The following NRN1 variants were observed in gnomAD, a reference collection of about 807,000 sequenced individuals.
NRN1 encodes neuritin.
Under a neutral mutation model 15.0 loss-of-function variants are expected in NRN1, and 4 were observed. That is an observed-to-expected ratio of 0.27 (90% CI 0.13 to 0.61). The LOEUF is 0.61. Among genes scored for constraint, NRN1 ranks in the 20% least tolerant of loss-of-function variants. The pLI is 0.87. For missense variants in NRN1, 134 were observed against 181.9 expected, an observed-to-expected ratio of 0.74 and a Z score of 1.51; for synonymous variants, 85 against 79.8, an observed-to-expected ratio of 1.07 and a Z score of -0.35.
chr6:6,006,582 C>G (rs1358577651), intron 1 of NRN1, 113 bp downstream of exon 1: 1 of 944,862 alleles, frequency 1.1e-6, no homozygotes, highest in Non-Finnish European at 1.7e-6. Context: ...GGGGGATTGC[C>G]GGCTTCTCCG....
chr6:6,000,911 T>A (rs555773529), intron 2 of NRN1, among the ~76,000 whole-genome samples: 3 of 151,848 alleles, frequency 2.0e-5, no homozygotes, highest in Non-Finnish European at 4.4e-5. Flanking sequence ...AGGAAGGAGT[T>A]CTCACTTTCC....
chr6:6,002,959 G>A (rs1188507458), intron 1 of NRN1: 3 of 397,808 alleles, frequency 7.5e-6, no homozygotes, highest in South Asian at 1.1e-4. Context: ...CGGCTGCAGC[G>A]TGCGGGGGCG....
At chr6:6,002,674 C>A (rs1757986564) in intron 1 of NRN1, among the ~76,000 whole-genome samples, 177 bp from the exon 2 acceptor site, 1 of 152,284 alleles carries the variant, frequency 6.6e-6, no homozygotes, top group African/African-American at 2.4e-5. Context: ...CCAGGAATGC[C>A]CGACCTGCAG....
intron 2 of NRN1, 139 bp from the exon 3 acceptor site, chr6:5,999,343 C>T (rs979978143): frequency 1.4e-6 from 1 of 689,898 alleles, no homozygotes; most frequent in Non-Finnish European, 2.5e-6. Flanking sequence ...CTCTTCACCG[C>T]CCTGGCGCCT....
chr6:6,002,005 C>T (rs1017782843), intron 2 of NRN1, among the ~76,000 whole-genome samples: 1 of 152,246 alleles, frequency 6.6e-6, no homozygotes, highest in Non-Finnish European at 1.5e-5. Context: ...AGAGATCTTG[C>T]AGCACCAAGA....
At position 6,005,711 on chromosome 6, in the gene NRN1, G is replaced by T. The variant is rs575400202; in HGVS notation, c.55+984C>A. Among the ~76,000 whole-genome samples the T allele has an allele frequency of 3.3e-5, 5 of 152,214 alleles. No homozygotes were observed. The South Asian group carries it at 1.0e-3, about 32-fold the overall frequency. ...GTTTCAGGAGTTTCTTTTTTCCCCC[G>T]TGTTGTCCATTCTATTAATAACCTG... On this transcript the variant is annotated intron_variant, in intron 1 of 2. Coordinates refer to ENST00000244766, the MANE Select transcript of NRN1 (RefSeq NM_016588.3).
intron 1 of NRN1, among the ~76,000 whole-genome samples, chr6:6,004,851 C>T (rs992817270): frequency 6.6e-6 from 1 of 152,024 alleles, no homozygotes. Context: ...TTCGTTCGAC[C>T]TCTCATTCAT....
intron 1 of NRN1, chr6:6,003,946 C>G: frequency 8.2e-7 from 1 of 1,226,622 alleles, no homozygotes; most frequent in Non-Finnish European, 1.0e-6. Flanking sequence ...GTGAATGTGT[C>G]CCGGGAGGAC....
intron 1 of NRN1, chr6:6,004,163 G>T (rs1276764871): frequency 2.6e-6 from 1 of 377,370 alleles, no homozygotes; most frequent in African/African-American, 2.2e-5. Flanking sequence ...TTCGACCTCC[G>T]CTGGGGCAGA....
chr6:6,003,359 G>T, intron 1 of NRN1: 1 of 760,142 alleles, frequency 1.3e-6, no homozygotes, highest in Non-Finnish European at 1.8e-6. Context: ...CACGAACCTC[G>T]GGCCTCTTTC....
Position 6,002,405 on chromosome 6 carries a change from C to A in NRN1, c.148G>T (p.Ala50Ser). Residue 50 changes from alanine to serine, a missense_variant, in exon 2 of 3, where the codon GCC becomes TCC. Coordinates refer to ENST00000244766, the MANE Select transcript of NRN1 (RefSeq NM_016588.3). ...TCGTCCAGGCCCTGCGGGTAGTTGG[C>A]CATGCTGTCGCCCAGCTTGAGCAAA... ...DCLLKLGDSM[A>S]NYPQGLDDKT... is the part of the protein sequence containing the mutation. 1 of 1,614,236 alleles carries A rather than the reference C, an allele frequency of 6.2e-7. No homozygotes were observed. The highest frequency in any genetic ancestry group is 8.5e-7 in the Non-Finnish European group (1 of 1,180,028).
intron 1 of NRN1, chr6:6,003,746 G>T: frequency 8.1e-7 from 1 of 1,234,338 alleles, no homozygotes; most frequent in Admixed American, 4.2e-5. Flanking sequence ...TCCGCCCTGA[G>T]GCCGACGAAC....
At chr6:6,005,127 T>C (rs181825303) in intron 1 of NRN1, among the ~76,000 whole-genome samples, 2,799 of 151,848 alleles carry the variant, frequency 0.018, 26 homozygotes, top group Non-Finnish European at 0.025. Flanking sequence ...GACCACCGTC[T>C]TTTTTTTCCC....
At chr6:6,002,108 G>A (rs927745405) in intron 2 of NRN1, among the ~76,000 whole-genome samples, 5 of 152,254 alleles carry the variant, frequency 3.3e-5, no homozygotes, top group African/African-American at 7.2e-5. Context: ...GTAGAGCTGG[G>A]ACTGGGTCTA....
rs768378438 is a variant in NRN1, at chr6:6,002,328, C to G, written c.200+25G>C. ...TCAGTAGCGCCCCCAAAACCGAAGTCCAGCCGGCCAGAGAGGACACTTACG... is the reference window on the plus strand; with the variant it reads ...TCAGTAGCGCCCCCAAAACCGAAGTGCAGCCGGCCAGAGAGGACACTTACG... On this transcript the variant is annotated intron_variant, in intron 2 of 2. Transcript: ENST00000244766. 13 of 1,610,964 alleles carry G rather than the reference C, an allele frequency of 8.1e-6. 1 individual carries two copies. The South Asian group carries it at 1.4e-4, about 18-fold the overall frequency.
At chr6:6,002,242 T>C (rs915329245) in intron 2 of NRN1, 111 bp downstream of exon 2, 1 of 1,387,098 alleles carries the variant, frequency 7.2e-7, no homozygotes, top group African/African-American at 1.4e-5. Context: ...AGTGAGCCGA[T>C]GCGGATTCGC....
In NRN1 at chr6:6,003,064, G is replaced by T. The variant is rs1268268186; in HGVS notation, c.56-567C>A. ...GCCTCAGGCTTGGCGCTCTGTCCTT[G>T]GTGGGCGCTCAGCAAACACTGCTGA... On this transcript the variant is annotated intron_variant, in intron 1 of 2. Transcript: ENST00000244766. 17 of 642,688 alleles carry T rather than the reference G, an allele frequency of 2.6e-5. No individual in the cohort carries two copies. In the Admixed American group the frequency reaches 6.5e-4, roughly 24 times the overall value. 39.8% of individuals were successfully genotyped at this position (642,688 alleles called of 1,614,324 possible). A position where few individuals can be genotyped will look rare whatever the true frequency, so the allele number is the denominator to read the frequency against.
In NRN1 at chr6:5,998,933, G is replaced by A. The variant is rs1360918216; in HGVS notation, c.*43C>T. On this transcript the variant is annotated 3_prime_UTR_variant, in exon 3 of 3. Coordinates refer to ENST00000244766, the MANE Select transcript of NRN1 (RefSeq NM_016588.3). ...TCTTCCTCTCGATTTCCGGGAGCAT[G>A]GAGTGAGTGTGGGTGGGCGCGCGGG... The A allele has an allele frequency of 7.1e-7, 1 of 1,405,072 alleles. No homozygotes were observed. 87.0% of individuals were successfully genotyped at this position (1,405,072 alleles called of 1,614,324 possible). A position where few individuals can be genotyped will look rare whatever the true frequency, so the allele number is the denominator to read the frequency against.
chr6:6,002,399 A>G lies in NRN1; in HGVS notation c.154T>C (p.Tyr52His). ...LLKLGDSMAN[Y>H]PQGLDDKTNI... ...GTCTTGTCGTCCAGGCCCTGCGGGT[A>G]GTTGGCCATGCTGTCGCCCAGCTTG... The change falls in exon 2 of 3, where the codon TAC becomes CAC. Residue 52 changes from tyrosine to histidine, a missense_variant. Physicochemically the swap from Tyr to His is moderately conservative, Grantham distance 83 (BLOSUM62 2). Coordinates refer to ENST00000244766, the MANE Select transcript of NRN1 (RefSeq NM_016588.3). 1 of 1,614,234 alleles carries G rather than the reference A, an allele frequency of 6.2e-7. No homozygotes were observed. The highest frequency in any genetic ancestry group is 8.5e-7 in the Non-Finnish European group (1 of 1,180,016).
Sources: allele counts gnomAD v4.1 joint callset (sites outside exome capture counted in the v4.1 genomes callset), GRCh38; gene constraint gnomAD v4.1.1; transcripts MANE v1.5; gene names NCBI Gene and HGNC (gene_info 2026-07-23, HGNC 2026-07-21).